The following EIF3H variants were observed in gnomAD, a reference collection of about 807,000 sequenced individuals.
EIF3H encodes eukaryotic translation initiation factor 3 subunit H.
In EIF3H, 26 loss-of-function variants were observed where a neutral mutation model predicts 44.2. The ratio of observed to expected loss-of-function variants is 0.59; its 90% CI spans 0.43 to 0.82. The LOEUF is 0.82. Ranked by LOEUF, EIF3H falls within the 40% of genes least tolerant of loss-of-function variation. The pLI, the probability that EIF3H is intolerant of heterozygous loss-of-function variation, is 0.00. For missense variants in EIF3H, 359 were observed against 432.8 expected (o/e 0.83, Z 1.51); for synonymous variants, 166 against 151.9 (o/e 1.09, Z -0.68).
At position 116,642,983 on chromosome 8, in the gene EIF3H, G is replaced by C. The variant is rs1185254133; in HGVS notation, c.*2023C>G. 4 of 152,148 alleles carry C rather than the reference G, an allele frequency of 2.6e-5. No individual in the cohort carries two copies. In the East Asian group the frequency reaches 7.7e-4, roughly 29 times the overall value. 9.4% of individuals were successfully genotyped at this position (152,148 alleles called of 1,614,324 possible). On this transcript the variant is annotated 3_prime_UTR_variant, in exon 8 of 8. Transcript: ENST00000521861. ...CACACCTTTAAAAACATATTGAATT[G>C]ACTCAGTTAAATTACTCTTAATCCT...
chr8:116,712,143 G>A (rs1814582844), intron 2 of EIF3H, among the ~76,000 whole-genome samples: 1 of 152,186 alleles, frequency 6.6e-6, no homozygotes. Context: ...GCTGTCTGCT[G>A]AGGATAACAG....
At chr8:116,737,904 G>A (rs1439724175) in intron 1 of EIF3H, among the ~76,000 whole-genome samples, 2 of 151,526 alleles carry the variant, frequency 1.3e-5, no homozygotes, top group African/African-American at 4.9e-5. Context: ...GCCTGGTGGT[G>A]TGCAACAGTA....
intron 2 of EIF3H, among the ~76,000 whole-genome samples, chr8:116,714,627 CTGCAGTAAATT>C (rs1814631226): frequency 6.6e-6 from 1 of 151,992 alleles, no homozygotes; most frequent in Non-Finnish European, 1.5e-5. Context: ...TGCTATTTTT[CTGCAGTAAATT>C]TCAAAACATG....
chr8:116,747,612 T>C (rs1219776861), intron 1 of EIF3H, among the ~76,000 whole-genome samples: 1 of 152,172 alleles, frequency 6.6e-6, no homozygotes, highest in Non-Finnish European at 1.5e-5. Flanking sequence ...AAGGGTCATA[T>C]AATTTTTTTT....
intron 1 of EIF3H, among the ~76,000 whole-genome samples, chr8:116,753,749 T>C (rs1029188259): frequency 6.6e-6 from 1 of 152,218 alleles, no homozygotes; most frequent in African/African-American, 2.4e-5. Flanking sequence ...GTTACTGAAG[T>C]GCTTTTACCA....
Position 116,646,615 on chromosome 8 carries a change from A to G in EIF3H, c.829-12T>C. On this transcript the variant is annotated splice_polypyrimidine_tract_variant and intron_variant, in intron 6 of 7. Coordinates refer to ENST00000521861, the MANE Select transcript of EIF3H (RefSeq NM_003756.3). ...CGACGCTGCTGATACTAAAATTCAA[A>G]GGGAAAATGGTTTGGTTATTTTTCT... 1 of 1,613,686 alleles carries G rather than the reference A, an allele frequency of 6.2e-7. No individual in the cohort carries two copies. The highest frequency in any genetic ancestry group is 1.3e-5 in the African/African-American group (1 of 74,998).
chr8:116,668,593 A>G (rs950818626), intron 2 of EIF3H, among the ~76,000 whole-genome samples: 11 of 152,130 alleles, frequency 7.2e-5, no homozygotes, highest in Non-Finnish European at 1.5e-4. Context: ...AGGGTACCAG[A>G]CTACTCTGAA....
At chr8:116,653,751 A>C (rs1050491138) in intron 5 of EIF3H, among the ~76,000 whole-genome samples, 4 of 152,222 alleles carry the variant, frequency 2.6e-5, no homozygotes, top group African/African-American at 9.6e-5. Context: ...TTAAAAACTA[A>C]TAAAGGCTGT....
chr8:116,703,450 C>G (rs1033998935), intron 2 of EIF3H, among the ~76,000 whole-genome samples: 1 of 152,170 alleles, frequency 6.6e-6, no homozygotes, highest in Non-Finnish European at 1.5e-5. Context: ...ATCCGGAGGC[C>G]TGACCATCTC....
chr8:116,713,797 A>C (rs1266801975), intron 2 of EIF3H, among the ~76,000 whole-genome samples: 7 of 152,160 alleles, frequency 4.6e-5, no homozygotes, highest in Admixed American at 2.0e-4. Flanking sequence ...TAAATCACTA[A>C]ATGTGAACAG....
rs551706635 is a variant in EIF3H at position 116,725,208 on chromosome 8, A to T, written c.289+808T>A. Among the ~76,000 whole-genome samples the T allele has an allele frequency of 4.0e-4, 61 of 152,364 alleles. 1 individual carries two copies. The South Asian group carries it at 0.012, about 29-fold the overall frequency. ...AAAATAATAAATGCCACATGATTCC[A>T]CTAACATGAGGTATCTGTAGTCAGA... On this transcript the variant is annotated intron_variant, in intron 2 of 7. Coordinates refer to ENST00000521861, the MANE Select transcript of EIF3H (RefSeq NM_003756.3).
upstream of EIF3H, among the ~76,000 whole-genome samples, chr8:116,758,285 T>C (rs1008267353): frequency 1.3e-5 from 2 of 152,066 alleles, no homozygotes; most frequent in African/African-American, 4.8e-5. Flanking sequence ...CAAATAATGA[T>C]AAAATGATCA....
At chr8:116,730,211 G>GGTACTGCTC (rs1196457333) in intron 1 of EIF3H, among the ~76,000 whole-genome samples, 2 of 152,302 alleles carry the variant, frequency 1.3e-5, no homozygotes, top group East Asian at 3.9e-4. Context: ...GCCACGGACA[G>GGTACTGCTC]GTACTGCTCG....
Position 116,682,736 on chromosome 8 carries a change from G to C in EIF3H, c.290-23756C>G, listed in dbSNP as rs550695178. The stretch of plus-strand genomic sequence containing the variant: ...GTAGCTACTTAAGCTGAGAATGTTT[G>C]GTTTATTGAGGGGTAAAAGTCTTAC... On this transcript the variant is annotated intron_variant, in intron 2 of 7. Transcript: ENST00000521861. Among the ~76,000 whole-genome samples the C allele has an allele frequency of 1.2e-4, 19 of 152,224 alleles. No individual in the cohort carries two copies. The South Asian group carries it at 2.1e-3, about 17-fold the overall frequency.
At chr8:116,669,351 A>G (rs1436369925) in intron 2 of EIF3H, among the ~76,000 whole-genome samples, 2 of 152,212 alleles carry the variant, frequency 1.3e-5, no homozygotes, top group African/African-American at 4.8e-5. Flanking sequence ...GATTCCATTA[A>G]TAACTCTTCC....
chr8:116,743,793 T>A (rs113002131), intron 1 of EIF3H, among the ~76,000 whole-genome samples: 11 of 66,302 alleles, frequency 1.7e-4, no homozygotes, highest in African/African-American at 5.7e-4. Context: ...TATATATATA[T>A]ATATAAACAC....
At chr8:116,688,082 A>G (rs1182030255) in intron 2 of EIF3H, among the ~76,000 whole-genome samples, 1 of 152,172 alleles carries the variant, frequency 6.6e-6, no homozygotes, top group Admixed American at 6.5e-5. Flanking sequence ...TGTAAGATAC[A>G]TTATTGGGGA....
upstream of EIF3H, chr8:116,755,897 G>A: frequency 6.4e-7 from 1 of 1,558,626 alleles, no homozygotes; most frequent in East Asian, 2.3e-5. Flanking sequence ...GAGGGGCGGA[G>A]ACGGAAGGAG....
chr8:116,664,529 A>T (rs887363786), intron 2 of EIF3H, among the ~76,000 whole-genome samples: 1 of 152,174 alleles, frequency 6.6e-6, no homozygotes, highest in Non-Finnish European at 1.5e-5. Context: ...CCTCATTTTT[A>T]AAAAATCATC....
Sources: gnomAD v4.1 joint callset for allele counts (sites outside exome capture counted in the v4.1 genomes callset) on GRCh38, gnomAD v4.1.1 for gene constraint, MANE v1.5 for transcripts, NCBI Gene and HGNC (gene_info 2026-07-23, HGNC 2026-07-21) for gene names.